Variants in PRR5L observed in about 807,000 individuals in gnomAD.
The protein encoded by PRR5L is proline rich 5 like, also known as proline-rich protein 5-like.
Under a neutral mutation model 36.4 loss-of-function variants are expected in PRR5L, and 21 were observed. The observed-to-expected ratio is 0.58, with a 90% CI of 0.41 to 0.83. PRR5L has a LOEUF of 0.83. Ranked by LOEUF, PRR5L falls within the 40% of genes least tolerant of loss-of-function variation. PRR5L has a pLI of 0.00. For missense variants in PRR5L, 381 were observed against 473.3 expected (o/e 0.80, Z 1.81); for synonymous variants, 188 against 197.0 (o/e 0.95, Z 0.38).
In PRR5L at chr11:36,409,650, G is replaced by T. The variant is rs867956091; in HGVS notation, c.245+6272G>T. Among the ~76,000 whole-genome samples the T allele has an allele frequency of 5.3e-5, 8 of 152,216 alleles. 1 individual carries two copies. Among genetic ancestry groups the T allele is most frequent in the African/African-American group, 1.9e-4 (8 of 41,452 alleles). On this transcript the variant is annotated intron_variant, in intron 3 of 8. Coordinates refer to ENST00000530639, the MANE Select transcript of PRR5L (RefSeq NM_001160167.2). The stretch of plus-strand genomic sequence containing the variant: ...AGGTGAGCCTGGATCCAGCTCACAG[G>T]CTGATGCCATAGACCAGTCCCAGGC...
intron 1 of PRR5L, among the ~76,000 whole-genome samples, chr11:36,348,920 C>A (rs1011669546): frequency 6.6e-6 from 1 of 152,078 alleles, no homozygotes; most frequent in Non-Finnish European, 1.5e-5. Context: ...CAGGGCCAAG[C>A]GGGGTATCAG....
chr11:36,404,268 C>CTGT (rs1564938188), intron 3 of PRR5L, among the ~76,000 whole-genome samples: 1 of 98,010 alleles, frequency 1.0e-5, no homozygotes. Context: ...TCCATCAGGT[C>CTGT]TTTTTTTTTT....
rs541261655 is a variant in PRR5L at position 36,459,348 on chromosome 11, G to A, written c.713-2994G>A. On this transcript the variant is annotated intron_variant, in intron 8 of 8. Coordinates refer to ENST00000530639, the MANE Select transcript of PRR5L (RefSeq NM_001160167.2). ...ATGTTTCTGCCCTAGCGCAGCCCAT[G>A]TGAAGGTGGGAGAGCAGAGGCCCTG... 2.6e-5 allele frequency among the ~76,000 whole-genome samples: 4 copies of A among 152,342 alleles called. No individual in the cohort carries two copies. In the South Asian group the frequency reaches 8.3e-4, roughly 32 times the overall value.
At chr11:36,359,298 G>A (rs1002831487) in intron 1 of PRR5L, among the ~76,000 whole-genome samples, 1 of 152,180 alleles carries the variant, frequency 6.6e-6, no homozygotes, top group African/African-American at 2.4e-5. Flanking sequence ...GAAAGATTTT[G>A]TCTTAGCGTG....
chr11:36,355,034 A>G (rs1430183457), intron 1 of PRR5L, among the ~76,000 whole-genome samples: 1 of 152,196 alleles, frequency 6.6e-6, no homozygotes, highest in Non-Finnish European at 1.5e-5. Context: ...CCGTGAGGCT[A>G]AGTTCATTCA....
At chr11:36,350,979 T>TTTATATAG (rs2077229526) in intron 1 of PRR5L, among the ~76,000 whole-genome samples, 3 of 61,050 alleles carry the variant, frequency 4.9e-5, no homozygotes, top group African/African-American at 7.3e-5. Context: ...TTTATATATA[T>TTTATATAG]TTATATATTT....
intron 1 of PRR5L, among the ~76,000 whole-genome samples, chr11:36,371,843 G>A (rs1488309534): frequency 1.3e-5 from 2 of 152,096 alleles, no homozygotes; most frequent in African/African-American, 2.4e-5. Context: ...CGGATCACCC[G>A]AGGTCAACGG....
chr11:36,335,284 C>G (rs1000595409), intron 1 of PRR5L, among the ~76,000 whole-genome samples: 2 of 152,112 alleles, frequency 1.3e-5, no homozygotes, highest in Non-Finnish European at 2.9e-5. Context: ...AGGCTGGTCT[C>G]GAGCTCTTGG....
At chr11:36,397,044 C>T (rs1167805268) in intron 1 of PRR5L, among the ~76,000 whole-genome samples, 1 of 150,668 alleles carries the variant, frequency 6.6e-6, no homozygotes, top group African/African-American at 2.4e-5. Flanking sequence ...TACCTAACTT[C>T]TCTGATGTTC....
At chr11:36,317,364 A>G (rs1856567907) in intron 1 of PRR5L, among the ~76,000 whole-genome samples, 1 of 152,256 alleles carries the variant, frequency 6.6e-6, no homozygotes, top group Admixed American at 6.5e-5. Context: ...TGGGGTTCAT[A>G]GAACCTGTCT....
Position 36,419,296 on chromosome 11 carries a change from A to G in PRR5L, c.287A>G (p.Tyr96Cys). 2 of 1,613,790 alleles carry G rather than the reference A, an allele frequency of 1.2e-6. No homozygotes were observed. Among genetic ancestry groups the G allele is most frequent in the Middle Eastern group, 1.6e-4 (1 of 6,062 alleles). Reference protein sequence around the residue: ...KSELGSFITDYFQNQLLAKGL... With the variant: ...KSELGSFITDCFQNQLLAKGL... ...GAACTTGGATCATTCATTACAGACT[A>G]TTTTCAGGTAAGCTGTGTGGATCTG... Residue 96 changes from tyrosine (Y) to cysteine (C), a missense_variant, in exon 4 of 9, where the codon TAT becomes TGT. By Grantham distance (194) the Tyr-to-Cys change is radical. Transcript: ENST00000530639.
intron 1 of PRR5L, among the ~76,000 whole-genome samples, chr11:36,306,149 G>A (rs748691014): frequency 5.3e-5 from 8 of 151,840 alleles, no homozygotes; most frequent in South Asian, 4.2e-4. Context: ...TGCACAACGC[G>A]CAGGTTTGAT....
intron 1 of PRR5L, among the ~76,000 whole-genome samples, chr11:36,362,528 C>T (rs1463518221): frequency 2.0e-5 from 3 of 151,968 alleles, no homozygotes; most frequent in South Asian, 2.1e-4. Context: ...CAAAAAAGGA[C>T]GTTTTAGACA....
At chr11:36,332,284 A>G (rs1856726766) in intron 1 of PRR5L, among the ~76,000 whole-genome samples, 1 of 152,174 alleles carries the variant, frequency 6.6e-6, no homozygotes, top group South Asian at 2.1e-4. Flanking sequence ...CCTCTTCCAC[A>G]ACAAAACAAA....
chr11:36,423,377 G>A (rs143785737), intron 4 of PRR5L, among the ~76,000 whole-genome samples: 125 of 152,310 alleles, frequency 8.2e-4, no homozygotes, highest in African/African-American at 2.7e-3. Flanking sequence ...GGAGTGTAGC[G>A]TTAACTGAAG....
intron 4 of PRR5L, 122 bp downstream of exon 4, chr11:36,419,425 C>T (rs2133582481): frequency 1.2e-6 from 1 of 862,958 alleles, no homozygotes; most frequent in Middle Eastern, 2.3e-4. Flanking sequence ...TATCTCAAGT[C>T]CCTGCTGTGT....
intron 1 of PRR5L, among the ~76,000 whole-genome samples, chr11:36,360,630 T>G (rs1857077197): frequency 1.3e-5 from 2 of 152,228 alleles, no homozygotes; most frequent in Non-Finnish European, 2.9e-5. Flanking sequence ...CATGCATAAA[T>G]GCATGTGTGT....
chr11:36,352,130 G>A (rs2592552), intron 1 of PRR5L, among the ~76,000 whole-genome samples: 129,256 of 152,012 alleles, frequency 0.85, 55,183 homozygotes, highest in East Asian at 0.96. Context: ...TTCTTGCAGG[G>A]GTAAGGTGGT....
intron 3 of PRR5L, among the ~76,000 whole-genome samples, chr11:36,406,202 C>T (rs1857908520): frequency 6.6e-6 from 1 of 152,084 alleles, no homozygotes; most frequent in South Asian, 2.1e-4. Flanking sequence ...ATGACACTCC[C>T]CCAGCCCTCC....
Sources: allele counts gnomAD v4.1 joint callset (sites outside exome capture counted in the v4.1 genomes callset), GRCh38; gene constraint gnomAD v4.1.1; transcripts MANE v1.5; gene names NCBI Gene and HGNC (gene_info 2026-07-23, HGNC 2026-07-21).